Variants in ERCC6 observed in about 807,000 individuals in gnomAD.
The protein encoded by ERCC6 is ERCC excision repair 6, chromatin remodeling factor, also known as DNA excision repair protein ERCC-6.
In ERCC6, 116 loss-of-function variants were observed where a neutral mutation model predicts 158.7. The ratio of observed to expected loss-of-function variants is 0.73; its 90% confidence interval spans 0.63 to 0.85. The LOEUF (loss-of-function observed/expected upper bound fraction) is 0.85, where lower values mean the gene tolerates loss of function less well. ERCC6 is among the 40% of genes least tolerant of loss of function. ERCC6 has a pLI of 0.00. For synonymous variants in ERCC6, 678 were observed against 659.3 expected, an observed-to-expected ratio of 1.03 and a Z score of -0.43; for missense variants, 1,698 against 1,799.4, an observed-to-expected ratio of 0.94 and a Z score of 1.02.
At chr10:49,516,019 A>T in intron 5 of ERCC6, 1 of 1,614,152 alleles carries the variant, frequency 6.2e-7, no homozygotes, top group Non-Finnish European at 8.5e-7. Flanking sequence ...TGTCCCATTG[A>T]ACTGAGCTTA....
At position 49,530,734 on chromosome 10, in the gene ERCC6, G is replaced by A; in HGVS notation, c.529C>T (p.Gln177Ter). 1 of 1,613,390 alleles carries A rather than the reference G, an allele frequency of 6.2e-7. No homozygotes were observed. The highest frequency in any genetic ancestry group is 8.5e-7 in the Non-Finnish European group (1 of 1,179,770). ...INRKLDSVKR[Q>*]KYNKEQQLKK... ...TTCTGAATCACCTTATTATACTTCT[G>A]TCGTTTTACAGAATCTAGTTTCCTG... is the stretch of plus-strand genomic sequence containing the variant. Residue 177 changes from glutamine to a stop codon, truncating the protein, a stop_gained, in exon 3 of 21, where the codon CAG becomes TAG. Coordinates refer to ENST00000355832, the MANE Select transcript of ERCC6 (RefSeq NM_000124.4). LOFTEE classifies it high-confidence loss of function.
intron 7 of ERCC6, 111 bp downstream of exon 7, chr10:49,500,427 T>C: frequency 1.6e-6 from 2 of 1,286,204 alleles, no homozygotes; most frequent in Non-Finnish European, 2.2e-6. Flanking sequence ...ATTAAAGGAA[T>C]ATTGTAATTG....
intron 5 of ERCC6, among the ~76,000 whole-genome samples, chr10:49,517,859 G>GA (rs1221968801): frequency 6.6e-6 from 1 of 152,066 alleles, no homozygotes; most frequent in African/African-American, 2.4e-5. Flanking sequence ...TATTTCTTGA[G>GA]AAAAATGAAC....
chr10:49,537,808 C>CA (rs1837638439), intron 1 of ERCC6, among the ~76,000 whole-genome samples: 1 of 152,166 alleles, frequency 6.6e-6, no homozygotes, highest in Non-Finnish European at 1.5e-5. Context: ...CTGCAACCTC[C>CA]GCCTTCCGGG....
chr10:49,500,019 C>A (rs973424004), intron 7 of ERCC6, among the ~76,000 whole-genome samples: 1 of 152,154 alleles, frequency 6.6e-6, no homozygotes, highest in Non-Finnish European at 1.5e-5. Context: ...GAAATGCTAT[C>A]ATGCACACTC....
rs561906771 is a variant in ERCC6 at position 49,482,925 on chromosome 10, C to A, written c.1993-62G>T. On this transcript the variant is annotated intron_variant, in intron 9 of 20. Transcript: ENST00000355832. The stretch of plus-strand genomic sequence containing the variant: ...ACCTTTTAGCAATCGCCATTCCTAC[C>A]CTAAAACGCTCCTCTGCAAATTATT... The A allele has an allele frequency of 5.2e-5, 81 of 1,554,678 alleles. 2 individuals carry two copies. The highest frequency in any genetic ancestry group is 4.7e-4 in the South Asian group (42 of 89,460).
downstream of ERCC6, among the ~76,000 whole-genome samples, chr10:49,452,127 A>G (rs1850427538): frequency 6.6e-6 from 1 of 150,898 alleles, no homozygotes. Flanking sequence ...TAATTTTATT[A>G]TTTCCTTCCT....
chr10:49,448,614 C>T, the ERCC6 span, among the ~76,000 whole-genome samples: 7,821 of 152,186 alleles, frequency 0.051, 663 homozygotes, highest in African/African-American at 0.18. Context: ...ACTATTGTCC[C>T]CACTTATGAC....
In ERCC6 at chr10:49,474,138, T is replaced by A; in HGVS notation, c.2487A>T (p.Glu829Asp). 6.2e-7 allele frequency: 1 copy of A among 1,614,128 alleles called. No homozygotes were observed. Among genetic ancestry groups the A allele is most frequent in the Non-Finnish European group, 8.5e-7 (1 of 1,179,982 alleles). ...LKGLPDDELE[E>D]DQFGYWKRSG... ...AACGTTTCCAGTACCCAAACTGATC[T>A]TCTTCTAGTTCATCATCAGGAAGAC... Residue 829 changes from glutamate to aspartate, a missense_variant, in exon 13 of 21, where the codon GAA (glutamate) becomes GAT (aspartate). Coordinates refer to ENST00000355832, the MANE Select transcript of ERCC6 (RefSeq NM_000124.4).
Position 49,470,908 on chromosome 10 carries a change from C to G in ERCC6, c.3071-19G>C. 6.2e-7 allele frequency: 1 copy of G among 1,613,556 alleles called. No homozygotes were observed. The highest frequency in any genetic ancestry group is 1.3e-5 in the African/African-American group (1 of 75,004). On this transcript the variant is annotated intron_variant, in intron 17 of 20. Coordinates refer to ENST00000355832, the MANE Select transcript of ERCC6 (RefSeq NM_000124.4). ...CCAGTTCCTGTAAAGAGGAAAAACA[C>G]CACTAATACTATATTGTATCATCTT...
At chr10:49,516,192 CA>C in intron 5 of ERCC6, 1 of 1,614,018 alleles carries the variant, frequency 6.2e-7, no homozygotes, top group East Asian at 2.2e-5. Context: ...CTGAAACCAG[CA>C]AATGTAGCCC....
the ERCC6 span, among the ~76,000 whole-genome samples, chr10:49,440,082 CAA>C: frequency 6.6e-6 from 1 of 152,208 alleles, no homozygotes; most frequent in East Asian, 1.9e-4. Context: ...TACCCAGTTC[CAA>C]AGTCACTTCC....
intron 6 of ERCC6, chr10:49,505,667 T>C: frequency 1.7e-6 from 1 of 587,598 alleles, no homozygotes; most frequent in Non-Finnish European, 3.0e-6. Flanking sequence ...ATTCATCAGT[T>C]TACAAACATA....
In ERCC6 at chr10:49,505,913, C is replaced by A; in HGVS notation, c.1497G>T (p.Val499=). 2 of 1,613,394 alleles carry A rather than the reference C, an allele frequency of 1.2e-6. No individual in the cohort carries two copies. The highest frequency in any genetic ancestry group is 1.7e-6 in the Non-Finnish European group (2 of 1,179,562). The change falls in exon 6 of 21, where the codon GTG becomes GTT. Residue 499 remains valine (V), a synonymous_variant. Coordinates refer to ENST00000355832, the MANE Select transcript of ERCC6 (RefSeq NM_000124.4). The part of the protein sequence containing the change: ...SDAEFDEGFK[V]PGFLFKKLFK... The stretch of plus-strand genomic sequence containing the variant: ...AAAGCTTTTTGAACAGAAAACCTGG[C>A]ACTTTAAAACCTTCGTCAAATTCAG...
intron 5 of ERCC6, chr10:49,516,425 A>C (rs748155151): frequency 6.2e-7 from 1 of 1,614,212 alleles, no homozygotes; most frequent in South Asian, 1.1e-5. Context: ...TGTCAGCAAC[A>C]TGCAAATTAG....
chr10:49,498,450 T>C (rs368064456), intron 7 of ERCC6, among the ~76,000 whole-genome samples: 3 of 152,216 alleles, frequency 2.0e-5, no homozygotes, highest in East Asian at 3.8e-4. Context: ...GGATGTGTTA[T>C]AAAGTTGTTA....
the ERCC6 span, among the ~76,000 whole-genome samples, chr10:49,439,182 C>T: frequency 6.6e-6 from 1 of 152,240 alleles, no homozygotes; most frequent in African/African-American, 2.4e-5. Flanking sequence ...TCCACACTGC[C>T]CTAGCAAAGG....
Position 49,460,377 on chromosome 10 carries a change from C to T in ERCC6, c.4058G>A (p.Cys1353Tyr). The T allele has an allele frequency of 6.2e-7, 1 of 1,610,446 alleles. No individual in the cohort carries two copies. Among genetic ancestry groups the T allele is most frequent in the Non-Finnish European group, 8.5e-7 (1 of 1,176,674 alleles). ...HPSSTSPTEKCQDGIMKKEGK... is the reference protein window; with the variant it reads ...HPSSTSPTEKYQDGIMKKEGK... Reference sequence around the variant, plus strand: ...CAAAAAGGTTATCTATATTACCTGGCACTTCTCTGTTGGAGATGTTGATGA... The same window carrying T: ...CAAAAAGGTTATCTATATTACCTGGTACTTCTCTGTTGGAGATGTTGATGA... The change falls in exon 20 of 21, where the codon TGC becomes TAC. Residue 1353 changes from cysteine to tyrosine, a missense_variant. Cys to Tyr is a radical substitution (Grantham distance 194). Transcript: ENST00000355832.
chr10:49,459,183 C>T lies in ERCC6; in HGVS notation c.4114G>A (p.Gly1372Arg), dbSNP rs4253227. The T allele has an allele frequency of 6.9e-4, 1,112 of 1,614,192 alleles. 10 individuals are homozygous for T. The African/African-American group carries it at 0.013, about 19-fold the overall frequency. The stretch of plus-strand genomic sequence containing the variant: ...GAAGAGTCTGCATCTTCTGCTCTTC[C>T]ACTAAAATGCTCAGGGACATTATCT... ...GKDNVPEHFS[G>R]RAEDADSSSG... is the part of the protein sequence containing the mutation. The change falls in exon 21 of 21, where the codon GGA becomes AGA. Residue 1372 changes from glycine (G) to arginine (R), a missense_variant. Physicochemically the swap from Gly to Arg is moderately radical, Grantham distance 125. Coordinates refer to ENST00000355832, the MANE Select transcript of ERCC6 (RefSeq NM_000124.4).
Sources: allele counts gnomAD v4.1 joint callset (sites outside exome capture counted in the v4.1 genomes callset), GRCh38; gene constraint gnomAD v4.1.1; transcripts MANE v1.5; gene names NCBI Gene and HGNC (gene_info 2026-07-23, HGNC 2026-07-21).